The following TMEM131 variants were observed in gnomAD, a reference collection of about 807,000 sequenced individuals.
The protein encoded by TMEM131 is transmembrane protein 131.
Under a neutral mutation model 211.6 loss-of-function variants are expected in TMEM131, and 66 were observed. That is an observed-to-expected ratio of 0.31 (90% CI 0.26 to 0.38). TMEM131 has a LOEUF of 0.38. Among genes scored for constraint, TMEM131 ranks in the 10% least tolerant of loss-of-function variants. The pLI, the probability that TMEM131 is intolerant of heterozygous loss-of-function variation, is 1.00. For missense variants in TMEM131, 2,036 were observed against 2,299.3 expected (o/e 0.89, Z 2.34); for synonymous variants, 844 against 841.3 (o/e 1.00, Z -0.06).
At chr2:97,979,412 T>A (rs1359949692) in intron 1 of TMEM131, among the ~76,000 whole-genome samples, 6 of 152,234 alleles carry the variant, frequency 3.9e-5, no homozygotes, top group Non-Finnish European at 5.9e-5. Flanking sequence ...AAGAAGGCTG[T>A]TTCATCTACA....
At chr2:97,917,344 C>A (rs1051354866) in intron 2 of TMEM131, among the ~76,000 whole-genome samples, 2 of 152,168 alleles carry the variant, frequency 1.3e-5, no homozygotes, top group Non-Finnish European at 2.9e-5. Flanking sequence ...AATAATGCCA[C>A]AATATCTTAT....
chr2:97,850,103 GA>G (rs1265160027), intron 5 of TMEM131, among the ~76,000 whole-genome samples: 2 of 150,670 alleles, frequency 1.3e-5, no homozygotes, highest in Non-Finnish European at 3.0e-5. Context: ...CCGGCAGTAT[GA>G]AAAAAACAAA....
At chr2:97,859,251 T>G in intron 5 of TMEM131, 53 bp downstream of exon 5, 1 of 1,528,638 alleles carries the variant, frequency 6.5e-7, no homozygotes, top group Admixed American at 2.4e-5. Context: ...AATAAAAATC[T>G]AGACATTTCA....
At chr2:97,866,124 C>T (rs143228421) in intron 4 of TMEM131, among the ~76,000 whole-genome samples, 3,329 of 152,266 alleles carry the variant, frequency 0.022, 63 homozygotes, top group South Asian at 0.085. Context: ...CCTCGTGATC[C>T]GCCTGCCTCG....
At chr2:97,978,414 C>G (rs963511394) in intron 1 of TMEM131, among the ~76,000 whole-genome samples, 1 of 152,178 alleles carries the variant, frequency 6.6e-6, no homozygotes, top group African/African-American at 2.4e-5. Flanking sequence ...AATTCAGTTA[C>G]ATCTTCAGGA....
At chr2:97,988,556 A>T (rs1680127643) in intron 1 of TMEM131, among the ~76,000 whole-genome samples, 1 of 152,242 alleles carries the variant, frequency 6.6e-6, no homozygotes, top group Non-Finnish European at 1.5e-5. Flanking sequence ...AGAATATATA[A>T]GGAACTCCTA....
intron 2 of TMEM131, 52 bp from the exon 3 acceptor site, chr2:97,908,750 T>C: frequency 7.6e-6 from 11 of 1,446,508 alleles, no homozygotes; most frequent in Non-Finnish European, 1.1e-5. Flanking sequence ...ATATTTATAT[T>C]ACAGACATAT....
intron 15 of TMEM131, among the ~76,000 whole-genome samples, chr2:97,813,191 G>A (rs1681640574): frequency 6.6e-6 from 1 of 152,184 alleles, no homozygotes; most frequent in South Asian, 2.1e-4. Flanking sequence ...AAACTACTAA[G>A]AGAGGTTTAG....
rs753635047 is a variant in TMEM131 at position 97,838,426 on chromosome 2, CTTTTTTTTTTTTTTTTTTT to C, written c.724-1288_724-1270del. ...AAAAATGGCAATTCTTAAGCTTAAA[CTTTTTTTTTTTTTTTTTTT>C]TTTTTTTTTTTTTTTTTGAGACGGA... On this transcript the variant is annotated intron_variant, in intron 7 of 40. Transcript: ENST00000186436. 8.2e-4 allele frequency among the ~76,000 whole-genome samples: 73 copies of C among 89,094 alleles called. No homozygotes were observed. The East Asian group carries it at 0.019, about 23-fold the overall frequency. The allele number at this position is 89,094 out of a possible 152,430, so 58.4% of individuals were successfully genotyped here.
At chr2:97,982,911 G>C (rs530380109) in intron 1 of TMEM131, among the ~76,000 whole-genome samples, 2 of 152,278 alleles carry the variant, frequency 1.3e-5, no homozygotes, top group Admixed American at 6.5e-5. Context: ...CCTACAGAAA[G>C]AGCACAGCCC....
At chr2:97,784,180 A>G (rs181063945) in intron 31 of TMEM131, among the ~76,000 whole-genome samples, 9 of 152,244 alleles carry the variant, frequency 5.9e-5, no homozygotes. Flanking sequence ...AACTAGACAG[A>G]AAAATCAGGA....
intron 2 of TMEM131, among the ~76,000 whole-genome samples, chr2:97,910,356 C>T (rs1028717495): frequency 9.2e-5 from 14 of 152,084 alleles, no homozygotes; most frequent in Admixed American, 6.6e-4. Flanking sequence ...AATTACCATA[C>T]GACCCGCAAT....
At chr2:97,805,833 T>C (rs1960329) in intron 19 of TMEM131, 130 bp from the exon 20 acceptor site, 292,409 of 864,938 alleles carry the variant, frequency 0.34, 53,690 homozygotes, top group Middle Eastern at 0.47. Context: ...TGTTCATCAA[T>C]TGATAATCTT....
chr2:97,899,499 A>C (rs2104327051), intron 3 of TMEM131, among the ~76,000 whole-genome samples: 1 of 152,260 alleles, frequency 6.6e-6, no homozygotes, highest in Middle Eastern at 3.4e-3. Flanking sequence ...GGTTAACCTC[A>C]CACATAATTA....
chr2:97,942,520 A>C (rs1238166507), intron 1 of TMEM131, among the ~76,000 whole-genome samples: 1 of 151,784 alleles, frequency 6.6e-6, no homozygotes, highest in African/African-American at 2.4e-5. Flanking sequence ...AGAAACAGGG[A>C]GCATTACTAA....
chr2:97,856,618 T>C (rs192427763), intron 5 of TMEM131, among the ~76,000 whole-genome samples: 165 of 152,344 alleles, frequency 1.1e-3, no homozygotes, highest in Admixed American at 2.8e-3. Flanking sequence ...ATTCCGAGCA[T>C]GACAAAGGCA....
intron 1 of TMEM131, among the ~76,000 whole-genome samples, chr2:97,979,366 T>C (rs1183249585): frequency 6.6e-6 from 1 of 152,190 alleles, no homozygotes; most frequent in Non-Finnish European, 1.5e-5. Context: ...TGACTTCTCC[T>C]CTCTAGCTAT....
intron 26 of TMEM131, 43 bp downstream of exon 26, chr2:97,797,322 G>A (rs745897896): frequency 1.3e-6 from 2 of 1,507,828 alleles, no homozygotes; most frequent in East Asian, 2.3e-5. Context: ...GGACTTCTAA[G>A]TAAGTAGTAA....
intron 2 of TMEM131, 106 bp from the exon 3 acceptor site, chr2:97,908,804 T>C (rs754471634): frequency 2.1e-6 from 2 of 934,994 alleles, no homozygotes; most frequent in Non-Finnish European, 3.2e-6. Flanking sequence ...ATTCATTTTA[T>C]ACCCATTTGG....
Sources: allele counts gnomAD v4.1 joint callset (sites outside exome capture counted in the v4.1 genomes callset), GRCh38; gene constraint gnomAD v4.1.1; transcripts MANE v1.5; gene names NCBI Gene and HGNC (gene_info 2026-07-23, HGNC 2026-07-21).